Variants in PNPLA1 observed in about 807,000 individuals in gnomAD.
PNPLA1 encodes the protein omega-hydroxyceramide transacylase.
Under a neutral mutation model 51.7 loss-of-function variants are expected in PNPLA1, and 36 were observed. The ratio of observed to expected loss-of-function variants is 0.70; its 90% confidence interval spans 0.53 to 0.92. The LOEUF is 0.92. Ranked by LOEUF, PNPLA1 falls within the 40% of genes least tolerant of loss-of-function variation. The pLI, the probability that PNPLA1 is intolerant of heterozygous loss-of-function variation, is 0.00. For synonymous variants in PNPLA1, 293 were observed against 280.1 expected, an observed-to-expected ratio of 1.05 and a Z score of -0.46; for missense variants, 658 against 682.5, an observed-to-expected ratio of 0.96 and a Z score of 0.40.
intron 8 of PNPLA1, among the ~76,000 whole-genome samples, chr6:36,310,108 A>C (rs1226242018): frequency 6.6e-6 from 1 of 152,244 alleles, no homozygotes; most frequent in African/African-American, 2.4e-5. Flanking sequence ...ACTGCATAAC[A>C]AACAACCCCC....
chr6:36,255,609 C>T (rs1413918736), intron 1 of PNPLA1, among the ~76,000 whole-genome samples: 3 of 152,046 alleles, frequency 2.0e-5, no homozygotes, highest in Non-Finnish European at 2.9e-5. Flanking sequence ...ATCACTTGAA[C>T]CCAGGAGGCA....
intron 1 of PNPLA1, among the ~76,000 whole-genome samples, chr6:36,255,237 G>A (rs1030550796): frequency 6.6e-6 from 1 of 151,638 alleles, no homozygotes; most frequent in African/African-American, 2.4e-5. Context: ...AGGTGCAGTA[G>A]CTCACGCCTG....
At chr6:36,269,427 G>A (rs138946330), upstream of PNPLA1, among the ~76,000 whole-genome samples, 5 of 152,252 alleles carry the variant, frequency 3.3e-5, no homozygotes, top group East Asian at 3.9e-4. Flanking sequence ...TTACCAAAAC[G>A]TCTCTCTGCC....
chr6:36,286,141 A>G (rs1770480666), intron 1 of PNPLA1, among the ~76,000 whole-genome samples: 1 of 152,270 alleles, frequency 6.6e-6, no homozygotes. Context: ...TGTCTGCCTC[A>G]TCATAATCCA....
intron 5 of PNPLA1, among the ~76,000 whole-genome samples, chr6:36,298,913 A>G (rs1240007015): frequency 2.0e-5 from 3 of 152,056 alleles, no homozygotes; most frequent in Non-Finnish European, 4.4e-5. Context: ...TAATTTTTGT[A>G]TTTTTAGTAG....
chr6:36,301,721 CTCACTGTAAATTCAAGTAAG>C, intron 5 of PNPLA1, 120 bp from the exon 6 acceptor site: 1 of 1,208,326 alleles, frequency 8.3e-7, no homozygotes, highest in Non-Finnish European at 1.2e-6. Flanking sequence ...TTTGTTTTCA[CTCACTGTAAATTCAAGTAAG>C]TACAGAAAGA....
At chr6:36,247,697 C>T (rs1769325821) in intron 1 of PNPLA1, among the ~76,000 whole-genome samples, 1 of 152,174 alleles carries the variant, frequency 6.6e-6, no homozygotes, top group African/African-American at 2.4e-5. Flanking sequence ...CATAAGGAGG[C>T]CAAGCCCAGG....
At chr6:36,295,458 G>T (rs1324343575) in intron 5 of PNPLA1, 34 bp downstream of exon 5, 2 of 1,606,208 alleles carry the variant, frequency 1.2e-6, no homozygotes, top group South Asian at 2.2e-5. Flanking sequence ...TAAGGGCAGT[G>T]TTGGAGGGTA....
At chr6:36,275,653 G>A (rs1582053761) in intron 1 of PNPLA1, among the ~76,000 whole-genome samples, 1 of 152,054 alleles carries the variant, frequency 6.6e-6, no homozygotes, top group East Asian at 1.9e-4. Flanking sequence ...AATCATTATA[G>A]TCTTATAATA....
At chr6:36,269,302 G>C (rs1269456319), upstream of PNPLA1, among the ~76,000 whole-genome samples, 1 of 152,094 alleles carries the variant, frequency 6.6e-6, no homozygotes, top group Non-Finnish European at 1.5e-5. Flanking sequence ...CTCCATGAGG[G>C]GACATTTTGT....
At chr6:36,286,671 A>C (rs982075608) in intron 1 of PNPLA1, among the ~76,000 whole-genome samples, 1 of 152,112 alleles carries the variant, frequency 6.6e-6, no homozygotes, top group African/African-American at 2.4e-5. Context: ...TCCCAGTCTC[A>C]ACATCTTTTT....
upstream of PNPLA1, among the ~76,000 whole-genome samples, chr6:36,269,539 C>T (rs1769845611): frequency 6.6e-6 from 1 of 152,296 alleles, no homozygotes; most frequent in South Asian, 2.1e-4. Context: ...GAAGAACACG[C>T]AACACGAAGC....
chr6:36,291,582 A>AAG, intron 2 of PNPLA1, 30 bp downstream of exon 2: 2 of 163,184 alleles, frequency 1.2e-5, no homozygotes, highest in Non-Finnish European at 1.3e-5. Context: ...AGGGAGGGAC[A>AAG]CGGAGGGGGC....
At chr6:36,311,296 T>C (rs538536133) in intron 8 of PNPLA1, among the ~76,000 whole-genome samples, 45 of 152,334 alleles carry the variant, frequency 3.0e-4, no homozygotes, top group African/African-American at 1.0e-3. Flanking sequence ...GAGCAGAAGT[T>C]AGTCAGACTG....
At position 36,270,428 on chromosome 6, in the gene PNPLA1, C is replaced by T. The variant is rs367841237; in HGVS notation, c.-32C>T. On this transcript the variant is annotated 5_prime_UTR_variant, in exon 1 of 9. Coordinates refer to ENST00000636260, the MANE Select transcript of PNPLA1 (RefSeq NM_001374623.1). ...GGCAGGCAAGTGCTGAAGGGTGGCTCCGCCTTCCGCAGAAAGTCAGAGGCC... is the reference window on the plus strand; with the variant it reads ...GGCAGGCAAGTGCTGAAGGGTGGCTTCGCCTTCCGCAGAAAGTCAGAGGCC... 3 of 1,549,492 alleles carry T rather than the reference C, an allele frequency of 1.9e-6. No individual in the cohort carries two copies. The highest frequency in any genetic ancestry group is 1.4e-5 in the African/African-American group (1 of 73,032).
At chr6:36,262,527 A>C (rs79226369) in intron 1 of PNPLA1, among the ~76,000 whole-genome samples, 53 of 152,226 alleles carry the variant, frequency 3.5e-4, no homozygotes, top group African/African-American at 1.1e-3. Context: ...GGAAGTAACA[A>C]TGAAAACAAC....
intron 1 of PNPLA1, among the ~76,000 whole-genome samples, chr6:36,282,222 G>GAAGGAAGGAAGGAAGA (rs1770336794): frequency 6.8e-6 from 1 of 147,356 alleles, no homozygotes; most frequent in Non-Finnish European, 1.5e-5. Flanking sequence ...GGGAAGGAAG[G>GAAGGAAGGAAGGAAGA]AAGGAAGGAA....
At chr6:36,291,675 C>T (rs71569329) in intron 2 of PNPLA1, 123 bp downstream of exon 2, 2 of 806,158 alleles carry the variant, frequency 2.5e-6, no homozygotes, top group Non-Finnish European at 2.0e-6. Context: ...CCTTCCCTTC[C>T]TTCATGCCCC....
chr6:36,291,278 T>C, intron 1 of PNPLA1, 42 bp from the exon 2 acceptor site: 3 of 1,536,660 alleles, frequency 2.0e-6, no homozygotes, highest in Non-Finnish European at 2.7e-6. Context: ...CCCTGGCCAC[T>C]GGGTGGCACC....
Sources: gnomAD v4.1 joint callset for allele counts (sites outside exome capture counted in the v4.1 genomes callset) on GRCh38, gnomAD v4.1.1 for gene constraint, MANE v1.5 for transcripts, NCBI Gene and HGNC (gene_info 2026-07-23, HGNC 2026-07-21) for gene names.